Variants in KIF6 observed in about 807,000 individuals in gnomAD.
KIF6 encodes the protein kinesin-like protein KIF6.
In KIF6, 106 loss-of-function variants were observed where a neutral mutation model predicts 112.7. The observed-to-expected ratio is 0.94, with a 90% CI of 0.80 to 1.11. The LOEUF is 1.11. KIF6 is among the 50% of genes least tolerant of loss of function. The probability of loss-of-function intolerance (pLI) is 0.00; values close to 1 mark genes in which losing one functional copy is unlikely to be tolerated. For missense variants in KIF6, 929 were observed against 964.0 expected, an observed-to-expected ratio of 0.96 and a Z score of 0.48; for synonymous variants, 339 against 339.9, an observed-to-expected ratio of 1.00 and a Z score of 0.03.
intron 13 of KIF6, among the ~76,000 whole-genome samples, chr6:39,455,259 C>G (rs1337868815): frequency 6.6e-6 from 1 of 151,750 alleles, no homozygotes; most frequent in Admixed American, 6.6e-5. Context: ...AGCAGGGGCA[C>G]ACTGACACCT....
At chr6:39,454,034 GTGTTAAATACAGTAGATATTTC>G (rs915927832) in intron 13 of KIF6, among the ~76,000 whole-genome samples, 4 of 152,298 alleles carry the variant, frequency 2.6e-5, no homozygotes, top group East Asian at 3.9e-4. Flanking sequence ...ATAGAAAGAA[GTGTTAAATACAGTAGATATTTC>G]TGTTAAATAC....
chr6:39,442,683 C>T (rs1458939738), intron 13 of KIF6, among the ~76,000 whole-genome samples: 1 of 152,196 alleles, frequency 6.6e-6, no homozygotes, highest in Non-Finnish European at 1.5e-5. Context: ...CTGAAAAAGC[C>T]TGGATGTCTA....
At chr6:39,608,757 A>C (rs976056597) in intron 6 of KIF6, among the ~76,000 whole-genome samples, 1 of 152,210 alleles carries the variant, frequency 6.6e-6, no homozygotes, top group Non-Finnish European at 1.5e-5. Flanking sequence ...GTACTCACTA[A>C]TAGGCACAGT....
rs1192547505 is a variant in KIF6 at position 39,342,691 on chromosome 6, G to C, written c.2428+1018C>G. The C allele has an allele frequency of 5.8e-6, 3 of 518,582 alleles. No individual in the cohort carries two copies. In the East Asian group the frequency reaches 4.5e-4, roughly 78 times the overall value. 32.1% of individuals were successfully genotyped at this position (518,582 alleles called of 1,614,324 possible). On this transcript the variant is annotated intron_variant, in intron 22 of 22. Coordinates refer to ENST00000287152, the MANE Select transcript of KIF6 (RefSeq NM_145027.6). The surrounding 1 kb of genome is among the most constrained non-coding windows in gnomAD (Gnocchi z 4.7). ...CACAGCAGAGGTGGGGCTGTCTCAGGCTTAAGAAAGGACCTGACAGTGTTG... is the reference window on the plus strand; with the variant it reads ...CACAGCAGAGGTGGGGCTGTCTCAGCCTTAAGAAAGGACCTGACAGTGTTG...
chr6:39,364,096 C>CT (rs56902405), intron 16 of KIF6, among the ~76,000 whole-genome samples: 6,902 of 145,354 alleles, frequency 0.047, 505 homozygotes, highest in African/African-American at 0.16. Flanking sequence ...GTGTCTGGAA[C>CT]TTTTTTTTTT....
chr6:39,581,219 G>A (rs1781277508), intron 9 of KIF6, among the ~76,000 whole-genome samples: 1 of 135,892 alleles, frequency 7.4e-6, no homozygotes, highest in African/African-American at 2.8e-5. Flanking sequence ...CCAGGCTGGA[G>A]TGCAATGGTG....
chr6:39,628,169 A>G (rs1404801774), intron 5 of KIF6, among the ~76,000 whole-genome samples: 1 of 152,086 alleles, frequency 6.6e-6, no homozygotes, highest in Non-Finnish European at 1.5e-5. Flanking sequence ...TAGTATTAAA[A>G]TATCACAACC....
chr6:39,455,727 A>C (rs1773041899), intron 13 of KIF6, among the ~76,000 whole-genome samples: 2 of 152,022 alleles, frequency 1.3e-5, no homozygotes, highest in African/African-American at 4.8e-5. Flanking sequence ...AAGAATGCAG[A>C]AGCCTCAGGA....
intron 13 of KIF6, among the ~76,000 whole-genome samples, chr6:39,533,963 G>C (rs1266832763): frequency 6.6e-6 from 1 of 152,206 alleles, no homozygotes; most frequent in East Asian, 1.9e-4. Flanking sequence ...GTCTGGAGTG[G>C]ACCTCTAGCA....
At chr6:39,592,667 A>C (rs185748325) in intron 7 of KIF6, among the ~76,000 whole-genome samples, 2 of 152,292 alleles carry the variant, frequency 1.3e-5, no homozygotes, top group East Asian at 3.9e-4. Context: ...CCATGAACTC[A>C]ATTTCTAAGG....
intron 17 of KIF6, among the ~76,000 whole-genome samples, chr6:39,361,387 G>A (rs114832756): frequency 0.011 from 1,693 of 151,766 alleles, 34 homozygotes; most frequent in African/African-American, 0.038. Context: ...TGGTGAAACC[G>A]TGTTTCTACT....
At chr6:39,646,320 A>C (rs935268622) in intron 3 of KIF6, among the ~76,000 whole-genome samples, 14 of 152,242 alleles carry the variant, frequency 9.2e-5, no homozygotes, top group African/African-American at 3.4e-4. Context: ...AGTTGAAAAA[A>C]AAAGAAACAA....
chr6:39,368,049 A>G (rs1308891502), intron 16 of KIF6, among the ~76,000 whole-genome samples: 1 of 152,190 alleles, frequency 6.6e-6, no homozygotes, highest in Non-Finnish European at 1.5e-5. Flanking sequence ...TACTGAGAAT[A>G]CAGGCCCTAC....
At chr6:39,685,034 G>C (rs999877196) in intron 3 of KIF6, among the ~76,000 whole-genome samples, 2 of 152,154 alleles carry the variant, frequency 1.3e-5, no homozygotes, top group East Asian at 3.8e-4. Flanking sequence ...GTGAAGTATA[G>C]GCAAGAGGAC....
chr6:39,395,270 C>T (rs1159898103), intron 15 of KIF6, among the ~76,000 whole-genome samples: 2 of 152,180 alleles, frequency 1.3e-5, no homozygotes, highest in Non-Finnish European at 2.9e-5. Context: ...ATTGATATCA[C>T]TATTTCTGTA....
chr6:39,387,413 A>G (rs1223791486), intron 15 of KIF6, among the ~76,000 whole-genome samples: 1 of 152,078 alleles, frequency 6.6e-6, no homozygotes, highest in Non-Finnish European at 1.5e-5. Flanking sequence ...CAGACACATC[A>G]TTGTCTTGGG....
rs996923925 is a variant in KIF6 at position 39,616,733 on chromosome 6, A to G, written c.510-3415T>C. Among the ~76,000 whole-genome samples the G allele has an allele frequency of 9.8e-5, 15 of 152,292 alleles. No homozygotes were observed. The East Asian group carries it at 2.5e-3, about 25-fold the overall frequency. ...CAGTGCGTCAGCCCCACCTATGTTC[A>G]TGCCTTTGCTCATAGAAGCCCAGCC... On this transcript the variant is annotated intron_variant, in intron 5 of 22. Coordinates refer to ENST00000287152, the MANE Select transcript of KIF6 (RefSeq NM_145027.6).
intron 7 of KIF6, among the ~76,000 whole-genome samples, chr6:39,591,826 T>G (rs1781967771): frequency 6.6e-6 from 1 of 152,042 alleles, no homozygotes; most frequent in African/African-American, 2.4e-5. Flanking sequence ...AAAACCTGAC[T>G]TTTTGGCCAG....
chr6:39,550,014 T>C (rs1351980673), intron 10 of KIF6, among the ~76,000 whole-genome samples: 1 of 151,914 alleles, frequency 6.6e-6, no homozygotes, highest in Non-Finnish European at 1.5e-5. Context: ...CCGAAATTTT[T>C]GGCCAGCTAG....
Sources: gnomAD v4.1 joint callset for allele counts (sites outside exome capture counted in the v4.1 genomes callset) on GRCh38, gnomAD v4.1.1 for gene constraint, Gnocchi (gnomAD v3.1) non-coding constraint, MANE v1.5 for transcripts, NCBI Gene and HGNC (gene_info 2026-07-23, HGNC 2026-07-21) for gene names.